The following DIAPH2 variants were observed in gnomAD, a reference collection of about 807,000 sequenced individuals.
DIAPH2 encodes protein diaphanous homolog 2.
DIAPH2 carries 35 observed loss-of-function variants against 92.7 expected under a neutral mutation model. The ratio of observed to expected loss-of-function variants is 0.38; its 90% CI spans 0.29 to 0.50. The LOEUF (loss-of-function observed/expected upper bound fraction) is 0.50. Among genes scored for constraint, DIAPH2 ranks in the 20% least tolerant of loss-of-function variants. The pLI is 0.94. For missense variants in DIAPH2, 701 were observed against 819.5 expected (o/e 0.86, Z 1.77); for synonymous variants, 301 against 280.4 (o/e 1.07, Z -0.73).
chrX:96,719,276 T>C (rs751502799), intron 1 of DIAPH2, among the ~76,000 whole-genome samples: 1 of 112,347 alleles, frequency 8.9e-6, no homozygotes, highest in Non-Finnish European at 1.9e-5. Context: ...GTGCAGAAGA[T>C]TTTTTAATTT....
At chrX:97,594,965 G>C (rs1351085655) in intron 26 of DIAPH2, among the ~76,000 whole-genome samples, 2 of 111,194 alleles carry the variant, frequency 1.8e-5, no homozygotes. Context: ...TCAATCCCAA[G>C]TTTACCGCCT....
Position 97,028,612 on chromosome X carries a change from G to A in DIAPH2, c.2051-44329G>A, listed in dbSNP as rs146240508. 6.7e-4 allele frequency among the ~76,000 whole-genome samples: 75 copies of A among 112,096 alleles called. 2 individuals are homozygous for A. The East Asian group carries it at 0.017, about 26-fold the overall frequency. On this transcript the variant is annotated intron_variant, in intron 17 of 26. Coordinates refer to ENST00000324765, the MANE Select transcript of DIAPH2 (RefSeq NM_006729.5). The stretch of plus-strand genomic sequence containing the variant: ...TAGCTTATGCTTCCAAGGTTCATCC[G>A]TGTTGTAGCATATATCAATACTTCA...
At chrX:96,998,113 C>T (rs1385297967) in intron 17 of DIAPH2, among the ~76,000 whole-genome samples, 2 of 111,897 alleles carry the variant, frequency 1.8e-5, no homozygotes, top group Non-Finnish European at 3.8e-5. Context: ...AAAGGACATC[C>T]TTAGCTTCTA....
chrX:97,120,242 T>G (rs752118211), intron 21 of DIAPH2, among the ~76,000 whole-genome samples: 1 of 110,609 alleles, frequency 9.0e-6, no homozygotes, highest in Non-Finnish European at 1.9e-5. Flanking sequence ...TACCCCTGTA[T>G]TTTGCTTGGC....
chrX:96,840,648 G>A (rs778000271), intron 4 of DIAPH2, among the ~76,000 whole-genome samples: 3 of 110,173 alleles, frequency 2.7e-5, no homozygotes, highest in East Asian at 2.8e-4. Context: ...TGGCTCTGTC[G>A]CCCAGGCTGG....
At chrX:97,470,238 T>C (rs753994784) in intron 26 of DIAPH2, among the ~76,000 whole-genome samples, 1 of 111,940 alleles carries the variant, frequency 8.9e-6, no homozygotes, top group Non-Finnish European at 1.9e-5. Context: ...CATACATATA[T>C]GTAATATATA....
At chrX:97,256,692 A>G (rs1446314997) in intron 23 of DIAPH2, among the ~76,000 whole-genome samples, 1 of 110,506 alleles carries the variant, frequency 9.0e-6, no homozygotes, top group Non-Finnish European at 1.9e-5. Flanking sequence ...TGAGATGGAG[A>G]TTCTTTCTGT....
chrX:97,082,633 AAAACAAAC>A (rs756456309), intron 19 of DIAPH2, among the ~76,000 whole-genome samples: 4 of 110,839 alleles, frequency 3.6e-5, no homozygotes, highest in Non-Finnish European at 5.7e-5. Context: ...CTCCATCTCA[AAAACAAAC>A]AAACAAACAA....
intron 23 of DIAPH2, among the ~76,000 whole-genome samples, chrX:97,321,721 T>G (rs773684988): frequency 9.1e-6 from 1 of 109,500 alleles, no homozygotes; most frequent in African/African-American, 3.3e-5. Context: ...GGCTAATTTT[T>G]TGTATTTTTA....
intron 1 of DIAPH2, among the ~76,000 whole-genome samples, chrX:96,711,453 T>C (rs2063917550): frequency 8.9e-6 from 1 of 112,227 alleles, no homozygotes; most frequent in Admixed American, 9.4e-5. Context: ...TTTTTTCATG[T>C]TTGTTGGCCA....
At chrX:96,815,591 A>G (rs2064727376) in intron 4 of DIAPH2, among the ~76,000 whole-genome samples, 1 of 112,016 alleles carries the variant, frequency 8.9e-6, no homozygotes, top group Non-Finnish European at 1.9e-5. Context: ...AAATGCAGAA[A>G]TCACTGTCCT....
chrX:96,951,159 C>A (rs2065772213), intron 15 of DIAPH2, among the ~76,000 whole-genome samples: 1 of 109,945 alleles, frequency 9.1e-6, no homozygotes, highest in Non-Finnish European at 1.9e-5. Flanking sequence ...TCTCAGAGCA[C>A]CCTTCAACAT....
intron 4 of DIAPH2, among the ~76,000 whole-genome samples, chrX:96,866,701 T>C (rs2065106749): frequency 1.8e-5 from 2 of 112,294 alleles, no homozygotes; most frequent in African/African-American, 6.5e-5. Context: ...GAAAGGCTCA[T>C]TCATTTTGTG....
chrX:97,445,420 T>C (rs977092999), intron 26 of DIAPH2, among the ~76,000 whole-genome samples: 1 of 108,164 alleles, frequency 9.2e-6, no homozygotes, highest in Admixed American at 9.7e-5. Context: ...GTTTCTTTTT[T>C]CTTTTTCTTT....
intron 17 of DIAPH2, among the ~76,000 whole-genome samples, chrX:96,997,386 TCA>T (rs2066111756): frequency 1.8e-5 from 2 of 111,536 alleles, no homozygotes; most frequent in Non-Finnish European, 3.8e-5. Flanking sequence ...TTTTTTTGCC[TCA>T]GTGTGTAAGA....
At chrX:97,277,511 T>A (rs951432371) in intron 23 of DIAPH2, among the ~76,000 whole-genome samples, 4 of 110,826 alleles carry the variant, frequency 3.6e-5, no homozygotes, top group Non-Finnish European at 3.8e-5. Context: ...GAAAGATGGG[T>A]AAGATGGTAG....
intron 17 of DIAPH2, among the ~76,000 whole-genome samples, chrX:97,011,147 A>C (rs1362966334): frequency 8.9e-6 from 1 of 112,472 alleles, no homozygotes; most frequent in Non-Finnish European, 1.9e-5. Flanking sequence ...TTATCCTTTT[A>C]AATTAAACAC....
chrX:97,393,949 T>A (rs2069682623), intron 25 of DIAPH2, among the ~76,000 whole-genome samples: 1 of 111,876 alleles, frequency 8.9e-6, no homozygotes, highest in Non-Finnish European at 1.9e-5. Context: ...TGATGAAAAA[T>A]CAGTCTTCAG....
chrX:96,880,910 T>G, intron 4 of DIAPH2, among the ~76,000 whole-genome samples: 1 of 111,700 alleles, frequency 9.0e-6, no homozygotes, highest in Non-Finnish European at 1.9e-5. Flanking sequence ...ACTCCATCTA[T>G]ATTGAAAGTT....
Sources: gnomAD v4.1 joint callset for allele counts (sites outside exome capture counted in the v4.1 genomes callset) on GRCh38, gnomAD v4.1.1 for gene constraint, MANE v1.5 for transcripts, NCBI Gene and HGNC (gene_info 2026-07-23, HGNC 2026-07-21) for gene names.